The following NTM variants were observed in gnomAD, a reference collection of about 807,000 sequenced individuals.
NTM encodes the protein neurotrimin.
In NTM, 13 loss-of-function variants were observed where a neutral mutation model predicts 42.1. That is an observed-to-expected ratio of 0.31 (90% CI 0.20 to 0.49). NTM has a LOEUF of 0.49. NTM is among the 20% of genes least tolerant of loss of function. NTM has a pLI of 0.99. For synonymous variants in NTM, 187 were observed against 179.2 expected (o/e 1.04, Z -0.35); for missense variants, 373 against 452.8 (o/e 0.82, Z 1.60).
intron 2 of NTM, among the ~76,000 whole-genome samples, chr11:132,072,873 C>T (rs2057884031): frequency 6.6e-6 from 1 of 152,090 alleles, no homozygotes; most frequent in African/African-American, 2.4e-5. Flanking sequence ...TTTGATTTGA[C>T]TGCTGAGAGG....
chr11:132,070,947 G>A (rs1390160763), intron 2 of NTM, among the ~76,000 whole-genome samples: 7 of 142,872 alleles, frequency 4.9e-5, no homozygotes, highest in Non-Finnish European at 9.3e-5. Context: ...AAGTTAACAC[G>A]TCAAACTGAC....
At chr11:131,885,869 G>A (rs113516231) in intron 1 of NTM, among the ~76,000 whole-genome samples, 2,445 of 152,304 alleles carry the variant, frequency 0.016, 60 homozygotes, top group African/African-American at 0.053. Flanking sequence ...CTGAAGACCA[G>A]AGAGGTGTAG....
Position 131,818,252 on chromosome 11 carries a change from G to C in NTM, c.83-93312G>C, listed in dbSNP as rs952273062. 2.6e-5 allele frequency among the ~76,000 whole-genome samples: 4 copies of C among 152,216 alleles called. No homozygotes were observed. In the South Asian group the frequency reaches 8.3e-4, roughly 32 times the overall value. ...CAGAGGGCTCCCACCACCCAGGCCT[G>C]CCTCATTTCAACCCAGACTCGCTCC... On this transcript the variant is annotated intron_variant, in intron 1 of 8. Transcript: ENST00000683400.
At chr11:131,693,361 A>T (rs2135059529) in intron 1 of NTM, among the ~76,000 whole-genome samples, 1 of 152,332 alleles carries the variant, frequency 6.6e-6, no homozygotes, top group Non-Finnish European at 1.5e-5. Flanking sequence ...TCTGCCTGTC[A>T]CCATGACAGC....
chr11:131,586,244 C>A (rs1050738269), intron 1 of NTM, among the ~76,000 whole-genome samples: 1 of 152,092 alleles, frequency 6.6e-6, no homozygotes, highest in African/African-American at 2.4e-5. Flanking sequence ...TAGCTGGGAC[C>A]ACAGGCATGC....
At chr11:131,567,595 A>G (rs952856730) in intron 1 of NTM, among the ~76,000 whole-genome samples, 1 of 152,232 alleles carries the variant, frequency 6.6e-6, no homozygotes, top group African/African-American at 2.4e-5. Flanking sequence ...CTCAGGGCCC[A>G]TCCTGTTAAC....
chr11:131,701,496 G>A (rs1261281608), intron 1 of NTM, among the ~76,000 whole-genome samples: 2 of 152,208 alleles, frequency 1.3e-5, no homozygotes, highest in African/African-American at 4.8e-5. Context: ...GCCACTCAAT[G>A]CATTTGTCAG....
chr11:131,892,483 C>T (rs1395335781), intron 1 of NTM, among the ~76,000 whole-genome samples: 1 of 152,202 alleles, frequency 6.6e-6, no homozygotes, highest in East Asian at 1.9e-4. Flanking sequence ...GAAGCCCTGG[C>T]TGATTTCTAA....
intron 1 of NTM, among the ~76,000 whole-genome samples, chr11:131,893,158 A>T (rs1401417055): frequency 6.6e-6 from 1 of 152,188 alleles, no homozygotes; most frequent in Non-Finnish European, 1.5e-5. Flanking sequence ...CTAGAATTTT[A>T]AAAATGTGCA....
chr11:132,308,393 A>C (rs2095169365), intron 5 of NTM, among the ~76,000 whole-genome samples: 1 of 152,182 alleles, frequency 6.6e-6, no homozygotes, highest in Non-Finnish European at 1.5e-5. Context: ...ACAGAATCCA[A>C]AAAGTTTGGA....
At position 131,771,838 on chromosome 11, in the gene NTM, G is replaced by A. The variant is rs112521050; in HGVS notation, c.83-139726G>A. On this transcript the variant is annotated intron_variant, in intron 1 of 8. Coordinates refer to ENST00000683400, the MANE Select transcript of NTM (RefSeq NM_001352005.2). ...GAAGAAATTTAACAGTCTATTGGTA[G>A]TAGTGTGAAATAGTACATGCTTTAT... Among the ~76,000 whole-genome samples, 618 of 152,280 alleles carry A rather than the reference G, an allele frequency of 4.1e-3. 8 individuals are homozygous for A. Among genetic ancestry groups the A allele is most frequent in the African/African-American group, 0.014 (579 of 41,572 alleles).
intron 1 of NTM, among the ~76,000 whole-genome samples, chr11:131,831,755 A>G (rs1260160090): frequency 6.6e-6 from 1 of 152,134 alleles, no homozygotes; most frequent in Non-Finnish European, 1.5e-5. Context: ...ATCAGGTAGC[A>G]GATACTTTGA....
chr11:131,754,273 A>G (rs12788298), intron 1 of NTM, among the ~76,000 whole-genome samples: 17,407 of 150,430 alleles, frequency 0.12, 1,026 homozygotes, highest in South Asian at 0.19. Context: ...CCTAAAACTT[A>G]AAGTATAATT....
intron 2 of NTM, among the ~76,000 whole-genome samples, chr11:132,070,654 G>A (rs1264950125): frequency 8.0e-6 from 1 of 124,758 alleles, no homozygotes; most frequent in Non-Finnish European, 1.7e-5. Flanking sequence ...ACCACCACAG[G>A]TTAGTTAACA....
chr11:131,930,451 T>C (rs1320020899), intron 2 of NTM, among the ~76,000 whole-genome samples: 1 of 152,236 alleles, frequency 6.6e-6, no homozygotes, highest in Non-Finnish European at 1.5e-5. Flanking sequence ...CAATATTTTA[T>C]GTGTACAGGG....
chr11:131,451,962 C>T (rs537177686), intron 1 of NTM, among the ~76,000 whole-genome samples: 13 of 152,254 alleles, frequency 8.5e-5, no homozygotes, highest in Non-Finnish European at 1.3e-4. Flanking sequence ...GTAGAACAGC[C>T]GGCAAAGCCT....
At chr11:131,849,320 T>A (rs2045265221) in intron 1 of NTM, among the ~76,000 whole-genome samples, 1 of 152,128 alleles carries the variant, frequency 6.6e-6, no homozygotes, top group Admixed American at 6.5e-5. Flanking sequence ...TTTGATTGGC[T>A]CATGATTCTG....
At chr11:132,072,536 T>C (rs1309037929) in intron 2 of NTM, among the ~76,000 whole-genome samples, 1 of 152,190 alleles carries the variant, frequency 6.6e-6, no homozygotes, top group East Asian at 1.9e-4. Context: ...GGGGAAAGAA[T>C]AGTTGCCTTT....
At chr11:132,171,139 G>A (rs2076056151) in intron 3 of NTM, among the ~76,000 whole-genome samples, 1 of 152,162 alleles carries the variant, frequency 6.6e-6, no homozygotes, top group African/African-American at 2.4e-5. Context: ...AGATTCTGGT[G>A]TCTTCACTTA....
Sources: gnomAD v4.1 joint callset for allele counts (sites outside exome capture counted in the v4.1 genomes callset) on GRCh38, gnomAD v4.1.1 for gene constraint, MANE v1.5 for transcripts, NCBI Gene and HGNC (gene_info 2026-07-23, HGNC 2026-07-21) for gene names.